CNOT10: variants seen among roughly 807,000 people sequenced by gnomAD.
CNOT10 encodes CCR4-NOT transcription complex subunit 10, also known as CCR4-NOT transcription complex, subunit 10.
In CNOT10, 30 loss-of-function variants were observed where a neutral mutation model predicts 94.6. The ratio of observed to expected loss-of-function variants is 0.32; its 90% confidence interval spans 0.24 to 0.43. The LOEUF is 0.43. Among genes scored for constraint, CNOT10 ranks in the 20% least tolerant of loss-of-function variants. The pLI, the probability that CNOT10 is intolerant of heterozygous loss-of-function variation, is 1.00. For synonymous variants in CNOT10, 289 were observed against 301.6 expected (o/e 0.96, Z 0.43); for missense variants, 759 against 877.2 (o/e 0.87, Z 1.70).
chr3:32,736,082 T>TTTTG (rs201247239), intron 12 of CNOT10, among the ~76,000 whole-genome samples: 3,127 of 152,140 alleles, frequency 0.021, 49 homozygotes, highest in East Asian at 0.047. Context: ...TTGTTTTGTT[T>TTTTG]TTTGTTTGTT....
chr3:32,715,618 A>G (rs1698084609), intron 5 of CNOT10, among the ~76,000 whole-genome samples: 1 of 152,198 alleles, frequency 6.6e-6, no homozygotes, highest in African/African-American at 2.4e-5. Context: ...TGCTTAAAGT[A>G]ATATTCATGT....
At chr3:32,699,846 T>C (rs550423821) in intron 1 of CNOT10, among the ~76,000 whole-genome samples, 1 of 152,214 alleles carries the variant, frequency 6.6e-6, no homozygotes, top group South Asian at 2.1e-4. Flanking sequence ...TTCTGGAAAG[T>C]TGGTTGTAGG....
chr3:32,720,511 TA>T (rs1698323110), intron 8 of CNOT10, among the ~76,000 whole-genome samples: 1 of 150,238 alleles, frequency 6.7e-6, no homozygotes, highest in African/African-American at 2.5e-5. Context: ...TATTTTATTT[TA>T]TTTTATTTTT....
chr3:32,720,685 A>T (rs1053644790), intron 8 of CNOT10, among the ~76,000 whole-genome samples: 7 of 151,226 alleles, frequency 4.6e-5, no homozygotes, highest in Non-Finnish European at 8.9e-5. Context: ...AGGTCTCATT[A>T]TGTTGCCCAA....
rs777385189 is a variant in CNOT10, at chr3:32,733,445, G to C, written c.1238G>C (p.Gly413Ala). 2 of 1,593,076 alleles carry C rather than the reference G, an allele frequency of 1.3e-6. No individual in the cohort carries two copies. The highest frequency in any genetic ancestry group is 1.1e-5 in the South Asian group (1 of 87,720). The change falls in exon 11 of 19, where the codon GGC becomes GCC. Residue 413 changes from glycine to alanine, a missense_variant. This residue lies in a region of CNOT10 where 682 missense variants were observed against 799.4 expected (regional missense o/e 0.85). Coordinates refer to ENST00000328834, the MANE Select transcript of CNOT10 (RefSeq NM_015442.3). ...TAGACTTCTGAACAAGAAACTAAAG[G>C]CCTTCCCAGCAAAAAAGGAATTGTA... ...NKGTSEQETK[G>A]LPSKKGIVQS...
intron 18 of CNOT10, among the ~76,000 whole-genome samples, chr3:32,770,350 G>C (rs1700846472): frequency 7.7e-6 from 1 of 129,484 alleles, no homozygotes; most frequent in Non-Finnish European, 1.6e-5. Context: ...TTTTGAGACA[G>C]AGTCTTGCTC....
chr3:32,733,392 A>G, intron 10 of CNOT10, 31 bp from the exon 11 acceptor site: 5 of 1,507,530 alleles, frequency 3.3e-6, no homozygotes, highest in Non-Finnish European at 4.5e-6. Context: ...CAATTCCCTT[A>G]AATTTATTGG....
At chr3:32,745,676 G>T (rs1043611310) in intron 13 of CNOT10, among the ~76,000 whole-genome samples, 9 of 152,336 alleles carry the variant, frequency 5.9e-5, no homozygotes, top group African/African-American at 1.9e-4. Flanking sequence ...TATTACACTT[G>T]TATTTTGGAA....
At chr3:32,703,691 CAT>C in intron 1 of CNOT10, 175 bp from the exon 2 acceptor site, 1 of 530,762 alleles carries the variant, frequency 1.9e-6, no homozygotes, top group South Asian at 2.3e-5. Context: ...GAGATTTCAT[CAT>C]GTTACTCAGA....
chr3:32,729,096 A>C (rs910580579), intron 10 of CNOT10, among the ~76,000 whole-genome samples: 2 of 152,176 alleles, frequency 1.3e-5, no homozygotes, highest in Admixed American at 6.5e-5. Flanking sequence ...TCTGTCTCAA[A>C]AAAAAGTTCT....
In CNOT10 at chr3:32,755,295, A is replaced by T. The variant is rs143145064; in HGVS notation, c.1596-4163A>T. On this transcript the variant is annotated intron_variant, in intron 13 of 18. Coordinates refer to ENST00000328834, the MANE Select transcript of CNOT10 (RefSeq NM_015442.3). Reference sequence around the variant, plus strand: ...TTACATTATTAGATTTTTTATTTTTATTTTCTTTTTTCTTTTTCTTTTTCT... The same window carrying T: ...TTACATTATTAGATTTTTTATTTTTTTTTTCTTTTTTCTTTTTCTTTTTCT... Among the ~76,000 whole-genome samples, 1,395 of 147,154 alleles carry T rather than the reference A, an allele frequency of 9.5e-3. 24 individuals carry two copies. Among genetic ancestry groups the T allele is most frequent in the African/African-American group, 0.033 (1,312 of 40,038 alleles).
chr3:32,749,703 G>A (rs928100503), intron 13 of CNOT10, among the ~76,000 whole-genome samples: 1 of 151,986 alleles, frequency 6.6e-6, no homozygotes, highest in Non-Finnish European at 1.5e-5. Context: ...AGCCACTGCG[G>A]CCTGCCTTAT....
intron 2 of CNOT10, among the ~76,000 whole-genome samples, 161 bp from the exon 3 acceptor site, chr3:32,704,650 G>A (rs577651509): frequency 2.0e-5 from 3 of 152,102 alleles, no homozygotes; most frequent in Non-Finnish European, 2.9e-5. Context: ...TAACTGACAT[G>A]AATGTTGCTT....
At chr3:32,754,489 A>AATATATATAT (rs1553637888) in intron 13 of CNOT10, among the ~76,000 whole-genome samples, 5 of 70,216 alleles carry the variant, frequency 7.1e-5, no homozygotes, top group Admixed American at 2.3e-4. Context: ...AAAAAAAAAA[A>AATATATATAT]ATACATATAT....
At position 32,753,667 on chromosome 3, in the gene CNOT10, G is replaced by A. The variant is rs181868268; in HGVS notation, c.1596-5791G>A. On this transcript the variant is annotated intron_variant, in intron 13 of 18. Coordinates refer to ENST00000328834, the MANE Select transcript of CNOT10 (RefSeq NM_015442.3). ...ATCATCTCCTTATACAAGAAATTGG[G>A]ATAAATTAGTGGGTAAAATCAAAGA... The A allele has an allele frequency of 3.3e-4, 516 of 1,579,660 alleles. 1 individual carries two copies. The African/African-American group carries it at 5.8e-3, about 18-fold the overall frequency.
At chr3:32,733,342 A>G in intron 10 of CNOT10, 81 bp from the exon 11 acceptor site, 2 of 1,107,244 alleles carry the variant, frequency 1.8e-6, no homozygotes, top group Non-Finnish European at 2.5e-6. Flanking sequence ...ATTTAGAGTA[A>G]TTGTGAGAGA....
At chr3:32,720,522 T>A (rs560808055) in intron 8 of CNOT10, among the ~76,000 whole-genome samples, 1 of 152,086 alleles carries the variant, frequency 6.6e-6, no homozygotes, top group South Asian at 2.1e-4. Flanking sequence ...ATTTTATTTT[T>A]TTGGAAATAG....
Position 32,713,259 on chromosome 3 carries a change from C to A in CNOT10, c.463C>A (p.Leu155Ile), listed in dbSNP as rs374004782. The A allele has an allele frequency of 5.1e-6, 8 of 1,579,486 alleles. No homozygotes were observed. The highest frequency in any genetic ancestry group is 6.8e-6 in the Non-Finnish European group (8 of 1,171,144). Residue 155 changes from leucine to isoleucine, a missense_variant, in exon 5 of 19, where the codon CTT becomes ATT. Leu to Ile is a conservative substitution (Grantham distance 5, BLOSUM62 2). Coordinates refer to ENST00000328834, the MANE Select transcript of CNOT10 (RefSeq NM_015442.3). Reference protein sequence around the residue: ...EKFAQAVCFLLVDLYILTYQA... With the variant: ...EKFAQAVCFLIVDLYILTYQA... ...ATTTGCCCAAGCAGTGTGTTTTTTGCTTGTAGACCTGTATATATTAACCTA... is the reference window on the plus strand; with the variant it reads ...ATTTGCCCAAGCAGTGTGTTTTTTGATTGTAGACCTGTATATATTAACCTA...
chr3:32,704,770 T>C, intron 2 of CNOT10, 41 bp from the exon 3 acceptor site: 1 of 1,531,842 alleles, frequency 6.5e-7, no homozygotes, highest in Non-Finnish European at 8.7e-7. Flanking sequence ...TTAAAGCTGG[T>C]ATGTAATTTT....
Sources: allele counts gnomAD v4.1 joint callset (sites outside exome capture counted in the v4.1 genomes callset), GRCh38; gene constraint gnomAD v4.1.1; regional missense constraint gnomAD v4.1.1; transcripts MANE v1.5; gene names NCBI Gene and HGNC (gene_info 2026-07-23, HGNC 2026-07-21).